The following FBXL18 variants were observed in gnomAD, a reference collection of about 807,000 sequenced individuals.
The protein encoded by FBXL18 is F-box/LRR-repeat protein 18.
A neutral mutation model predicts 46.0 loss-of-function variants in FBXL18; 36 were observed. That is an observed-to-expected ratio of 0.78 (90% CI 0.60 to 1.03). The LOEUF is 1.03. FBXL18 is among the 50% of genes least tolerant of loss of function. FBXL18 has a pLI of 0.00. For missense variants in FBXL18, 977 were observed against 1,004.1 expected, an observed-to-expected ratio of 0.97 and a Z score of 0.36; for synonymous variants, 557 against 465.3, an observed-to-expected ratio of 1.20 and a Z score of -2.54.
chr7:5,468,325 G>C (rs1278794525), intron 4 of FBXL18, among the ~76,000 whole-genome samples: 1 of 152,070 alleles, frequency 6.6e-6, no homozygotes, highest in African/African-American at 2.4e-5. Context: ...CACTGTGTCA[G>C]CCAGGATGGC....
chr7:5,473,515 A>G (rs564791953), downstream of FBXL18, among the ~76,000 whole-genome samples: 1 of 152,178 alleles, frequency 6.6e-6, no homozygotes, highest in East Asian at 1.9e-4. Flanking sequence ...TAATCCCAAC[A>G]CTTTGGGAGG....
rs1231051911 is a variant in FBXL18 at position 5,481,497 on chromosome 7, C to G, written c.*278G>C. On this transcript the variant is annotated 3_prime_UTR_variant, in exon 5 of 5. Coordinates refer to ENST00000382368, the MANE Select transcript of FBXL18 (RefSeq NM_024963.6). ...CGGCTCAGTATACAAACCCCCCAGC[C>G]AGGCCCCAAGGGTCAGCCTGGTTCA... is the stretch of plus-strand genomic sequence containing the variant. The G allele has an allele frequency of 5.2e-6, 2 of 381,616 alleles. No individual in the cohort carries two copies. The highest frequency in any genetic ancestry group is 4.3e-5 in the African/African-American group (2 of 46,776). 23.6% of individuals were successfully genotyped at this position (381,616 alleles called of 1,614,324 possible).
intron 4 of FBXL18, among the ~76,000 whole-genome samples, chr7:5,469,240 C>T (rs1309770901): frequency 6.6e-6 from 1 of 152,064 alleles, no homozygotes; most frequent in Non-Finnish European, 1.5e-5. Flanking sequence ...GGTGAAACCC[C>T]GTTTCTACTA....
rs574611860 is a variant in FBXL18 at position 5,489,372 on chromosome 7, C to T, written c.2000+1859G>A. On this transcript the variant is annotated intron_variant, in intron 4 of 4. Coordinates refer to ENST00000382368, the MANE Select transcript of FBXL18 (RefSeq NM_024963.6). Reference sequence around the variant, plus strand: ...GATGTTGGCCAGGCGTTGTGGCTCACGCCTGTAATCCCAGCACTTTGGGAG... The same window carrying T: ...GATGTTGGCCAGGCGTTGTGGCTCATGCCTGTAATCCCAGCACTTTGGGAG... 121 of 512,836 alleles carry T rather than the reference C, an allele frequency of 2.4e-4. 1 individual carries two copies. The highest frequency in any genetic ancestry group is 1.8e-3 in the African/African-American group (92 of 51,862). The allele number at this position is 512,836 out of a possible 1,614,324, so 31.8% of individuals were successfully genotyped here.
intron 4 of FBXL18, among the ~76,000 whole-genome samples, chr7:5,465,965 C>T (rs1305380489): frequency 1.3e-5 from 2 of 152,076 alleles, no homozygotes; most frequent in Admixed American, 1.3e-4. Flanking sequence ...TTACAGGCGC[C>T]AGCCACTATG....
chr7:5,472,612 C>T (rs950194353), downstream of FBXL18, among the ~76,000 whole-genome samples: 17 of 152,172 alleles, frequency 1.1e-4, no homozygotes, highest in African/African-American at 4.1e-4. Context: ...AGAGGCCACA[C>T]GAGGCCACAT....
chr7:5,470,281 G>A (rs1049251744), intron 4 of FBXL18, among the ~76,000 whole-genome samples: 1 of 152,138 alleles, frequency 6.6e-6, no homozygotes, highest in African/African-American at 2.4e-5. Context: ...CATGGCAGGG[G>A]ACACAGCGCC....
chr7:5,472,476 T>TAGA (rs1783442795), downstream of FBXL18, among the ~76,000 whole-genome samples: 1 of 152,114 alleles, frequency 6.6e-6, no homozygotes, highest in Non-Finnish European at 1.5e-5. Context: ...TGCCACGCTG[T>TAGA]GAGGAAGCCC....
rs1783654583 is a variant in FBXL18 at position 5,481,841 on chromosome 7, C to T, written c.2091G>A (p.Val697=). The change falls in exon 5 of 5, where the codon GTG becomes GTA. Residue 697 remains valine (V), a synonymous_variant. Coordinates refer to ENST00000382368, the MANE Select transcript of FBXL18 (RefSeq NM_024963.6). ...LTDVIRDVPL[V]HLDEITLFKS... ...TAAATAAGGTGATCTCATCCAGGTG[C>T]ACCAGGGGGACGTCCCGGATGACGT... 1 of 1,613,844 alleles carries T rather than the reference C, an allele frequency of 6.2e-7. No individual in the cohort carries two copies. Among genetic ancestry groups the T allele is most frequent in the Non-Finnish European group, 8.5e-7 (1 of 1,179,984 alleles).
At chr7:5,484,018 C>T (rs1216776167) in intron 4 of FBXL18, among the ~76,000 whole-genome samples, 3 of 152,192 alleles carry the variant, frequency 2.0e-5, no homozygotes, top group Non-Finnish European at 4.4e-5. Context: ...CATCACACAC[C>T]TCTTTCCACA....
At chr7:5,494,724 C>T (rs553472158) in intron 3 of FBXL18, among the ~76,000 whole-genome samples, 292 of 152,308 alleles carry the variant, frequency 1.9e-3, no homozygotes, top group African/African-American at 6.8e-3. Flanking sequence ...AAAGCAAAAG[C>T]AGGAGGCTCC....
intron 3 of FBXL18, among the ~76,000 whole-genome samples, chr7:5,500,214 G>C (rs1190278160): frequency 1.3e-5 from 2 of 152,064 alleles, no homozygotes. Context: ...AGGGTCCTGA[G>C]ACGATTTCAC....
chr7:5,482,445 C>T (rs1227414513), intron 4 of FBXL18, among the ~76,000 whole-genome samples: 1 of 152,084 alleles, frequency 6.6e-6, no homozygotes, highest in African/African-American at 2.4e-5. Flanking sequence ...CCCAGGTGGC[C>T]ACTCAGGAAA....
intron 4 of FBXL18, among the ~76,000 whole-genome samples, chr7:5,482,388 G>A (rs957101148): frequency 6.6e-6 from 1 of 152,150 alleles, no homozygotes; most frequent in Non-Finnish European, 1.5e-5. Context: ...AAGGGGGTGC[G>A]ACTGCCAAGT....
chr7:5,485,446 A>C (rs1783747501), intron 4 of FBXL18, among the ~76,000 whole-genome samples: 1 of 152,208 alleles, frequency 6.6e-6, no homozygotes, highest in South Asian at 2.1e-4. Context: ...CTCATTGGCG[A>C]GATGTGCCTC....
At chr7:5,472,986 C>A (rs892950361), downstream of FBXL18, among the ~76,000 whole-genome samples, 1 of 152,088 alleles carries the variant, frequency 6.6e-6, no homozygotes. Flanking sequence ...TGGGCTTCCT[C>A]GCTGCACACA....
rs1178735863 is a variant in FBXL18, at chr7:5,480,437, TTC to T, written c.*1336_*1337del. 1 of 151,940 alleles carries T rather than the reference TTC, an allele frequency of 6.6e-6. No individual in the cohort carries two copies. Among genetic ancestry groups the T allele is most frequent in the Non-Finnish European group, 1.5e-5 (1 of 68,018 alleles). The allele number at this position is 151,940 out of a possible 1,614,324, so 9.4% of individuals were successfully genotyped here. On this transcript the variant is annotated 3_prime_UTR_variant, in exon 5 of 5. Transcript: ENST00000382368. The stretch of plus-strand genomic sequence containing the variant: ...TCATTTTTGGAATAACTTTGTTTTT[TTC>T]TCTTTCTTTTTCAGAGATGGGGTAT...
At chr7:5,487,730 C>A (rs1783810413) in intron 4 of FBXL18, among the ~76,000 whole-genome samples, 1 of 152,216 alleles carries the variant, frequency 6.6e-6, no homozygotes, top group Non-Finnish European at 1.5e-5. Flanking sequence ...CAGGCAGGCG[C>A]CCTGGAGGGG....
intron 4 of FBXL18, chr7:5,490,076 G>A (rs373109943): frequency 2.8e-5 from 38 of 1,358,282 alleles, no homozygotes; most frequent in Admixed American, 5.9e-5. Flanking sequence ...GCCAGCGGCC[G>A]ACCGCAAGGA....
Sources: gnomAD v4.1 joint callset for allele counts (sites outside exome capture counted in the v4.1 genomes callset) on GRCh38, gnomAD v4.1.1 for gene constraint, MANE v1.5 for transcripts, NCBI Gene and HGNC (gene_info 2026-07-23, HGNC 2026-07-21) for gene names.